PALM2AKAP2: variants seen among roughly 807,000 people sequenced by gnomAD.
PALM2AKAP2 encodes PALM2 and AKAP2 fusion.
Under a neutral mutation model 71.5 loss-of-function variants are expected in PALM2AKAP2, and 37 were observed. The ratio of observed to expected loss-of-function variants is 0.52; its 90% CI spans 0.40 to 0.68. The LOEUF is 0.68. Ranked by LOEUF, PALM2AKAP2 falls within the 30% of genes least tolerant of loss-of-function variation. The pLI is 0.00. For missense variants in PALM2AKAP2, 1,224 were observed against 1,191.8 expected (o/e 1.03, Z -0.40); for synonymous variants, 468 against 478.8 (o/e 0.98, Z 0.29).
At chr9:109,653,651 G>C (rs772781364) in intron 1 of PALM2AKAP2, among the ~76,000 whole-genome samples, 2 of 152,146 alleles carry the variant, frequency 1.3e-5, no homozygotes, top group Admixed American at 6.5e-5. Flanking sequence ...CTGTAGATAG[G>C]GGGTGTAGTT....
At chr9:110,099,610 A>G (rs371627664) in intron 1 of PALM2AKAP2, among the ~76,000 whole-genome samples, 23 of 152,326 alleles carry the variant, frequency 1.5e-4, no homozygotes, top group Non-Finnish European at 2.2e-4. Flanking sequence ...CCTCACTGAC[A>G]TTTAATGAAT....
At chr9:109,807,008 G>A (rs552022431) in intron 1 of PALM2AKAP2, among the ~76,000 whole-genome samples, 1 of 152,270 alleles carries the variant, frequency 6.6e-6, no homozygotes, top group East Asian at 1.9e-4. Context: ...TAGTTGGGAG[G>A]ATATTGTGGT....
intron 2 of PALM2AKAP2, among the ~76,000 whole-genome samples, chr9:109,875,126 A>C (rs923858301): frequency 6.6e-6 from 1 of 152,048 alleles, no homozygotes; most frequent in Non-Finnish European, 1.5e-5. Flanking sequence ...AACCTCACTT[A>C]TTATGGTCCA....
intron 6 of PALM2AKAP2, among the ~76,000 whole-genome samples, chr9:109,975,210 A>G (rs534104997): frequency 6.6e-6 from 1 of 152,342 alleles, no homozygotes; most frequent in African/African-American, 2.4e-5. Context: ...TCTACTATCT[A>G]CAAGCTGGAG....
chr9:110,044,116 A>G (rs1833554420), upstream of PALM2AKAP2, among the ~76,000 whole-genome samples: 1 of 150,652 alleles, frequency 6.6e-6, no homozygotes, highest in Non-Finnish European at 1.5e-5. Context: ...ACTCATTGTC[A>G]TATATGTTGC....
chr9:109,939,875 T>C (rs1304219269), intron 6 of PALM2AKAP2, among the ~76,000 whole-genome samples: 1 of 152,248 alleles, frequency 6.6e-6, no homozygotes, highest in Non-Finnish European at 1.5e-5. Context: ...AGTGAAACTT[T>C]CAAAATGGAT....
At chr9:110,142,145 C>T (rs977327976) in intron 2 of PALM2AKAP2, among the ~76,000 whole-genome samples, 2 of 148,532 alleles carry the variant, frequency 1.3e-5, no homozygotes, top group Non-Finnish European at 3.0e-5. Flanking sequence ...AAACTCGGCT[C>T]ACTGCAACCT....
At chr9:109,707,167 C>T (rs906586202) in intron 1 of PALM2AKAP2, among the ~76,000 whole-genome samples, 1 of 152,114 alleles carries the variant, frequency 6.6e-6, no homozygotes, top group African/African-American at 2.4e-5. Context: ...CCTTAGCCTC[C>T]TCTCTCTGCA....
chr9:109,668,146 C>T (rs1180262936), intron 1 of PALM2AKAP2, among the ~76,000 whole-genome samples: 1 of 23,894 alleles, frequency 4.2e-5, no homozygotes, highest in Non-Finnish European at 7.7e-5. Flanking sequence ...CCGTTTTAGC[C>T]GGGATGGTCT....
chr9:109,867,588 A>G lies in PALM2AKAP2; in HGVS notation c.126+17A>G, dbSNP rs760973839. On this transcript the variant is annotated intron_variant, in intron 2 of 9. Transcript: ENST00000302798. ...CATTCCAAGGTAAGCAGCTGATCCC[A>G]GGAACCTATTCCATTATTAGACATG... The G allele has an allele frequency of 2.5e-6, 4 of 1,608,854 alleles. 1 individual carries two copies. In the South Asian group the frequency reaches 4.4e-5, roughly 18 times the overall value.
chr9:109,980,601 C>T (rs572882454), intron 6 of PALM2AKAP2, among the ~76,000 whole-genome samples: 6 of 152,284 alleles, frequency 3.9e-5, no homozygotes, highest in South Asian at 4.1e-4. Flanking sequence ...AATCCTATGA[C>T]GACCTAATGC....
intron 1 of PALM2AKAP2, among the ~76,000 whole-genome samples, chr9:110,070,941 C>G (rs549925107): frequency 9.2e-5 from 14 of 152,090 alleles, no homozygotes; most frequent in African/African-American, 2.9e-4. Flanking sequence ...GTGGGTGGAT[C>G]ACTTGAAGTC....
intron 1 of PALM2AKAP2, among the ~76,000 whole-genome samples, chr9:109,800,699 G>A (rs1016165022): frequency 5.9e-5 from 9 of 152,146 alleles, no homozygotes; most frequent in Non-Finnish European, 1.5e-5. Context: ...ATCTTTCTCT[G>A]TATTTACTCA....
intron 1 of PALM2AKAP2, among the ~76,000 whole-genome samples, chr9:109,851,739 G>A (rs1829027274): frequency 6.6e-6 from 1 of 152,164 alleles, no homozygotes; most frequent in Non-Finnish European, 1.5e-5. Context: ...AAGTTCCCCT[G>A]CTGTCTTCTG....
chr9:109,979,286 C>T (rs1832225821), intron 6 of PALM2AKAP2, among the ~76,000 whole-genome samples: 1 of 152,230 alleles, frequency 6.6e-6, no homozygotes, highest in Admixed American at 6.5e-5. Context: ...AGCCATTGCG[C>T]CTGGTCTCAG....
chr9:110,025,413 G>A, intron 7 of PALM2AKAP2: 1 of 642,404 alleles, frequency 1.6e-6, no homozygotes, highest in Non-Finnish European at 2.7e-6. Flanking sequence ...TTTTTTTTTT[G>A]TTCCTTCACA....
In PALM2AKAP2 at chr9:110,025,259, A is replaced by G; in HGVS notation, c.582+9220A>G. The G allele has an allele frequency of 2.6e-6, 3 of 1,146,808 alleles. No homozygotes were observed. In the South Asian group the frequency reaches 3.7e-5, roughly 14 times the overall value. 71.0% of individuals were successfully genotyped at this position (1,146,808 alleles called of 1,614,324 possible). On this transcript the variant is annotated intron_variant, in intron 7 of 9. Coordinates refer to the PALM2AKAP2 transcript ENST00000302798. ...ATGTCTACAATATCACCTTTCTTAT[A>G]GATTCGCATATACGTGGCCAAAGGA...
chr9:109,963,631 T>C (rs1831890551), intron 6 of PALM2AKAP2, among the ~76,000 whole-genome samples: 1 of 152,208 alleles, frequency 6.6e-6, no homozygotes, highest in African/African-American at 2.4e-5. Context: ...CTTGCTCTAG[T>C]CACACTCTTT....
intron 1 of PALM2AKAP2, among the ~76,000 whole-genome samples, chr9:109,858,611 A>C (rs1829231318): frequency 6.6e-6 from 1 of 152,120 alleles, no homozygotes; most frequent in African/African-American, 2.4e-5. Context: ...AAGGCAACAC[A>C]CGGAGAGGGA....
Sources: allele counts gnomAD v4.1 joint callset (sites outside exome capture counted in the v4.1 genomes callset), GRCh38; gene constraint gnomAD v4.1.1; transcripts MANE v1.5; gene names NCBI Gene and HGNC (gene_info 2026-07-23, HGNC 2026-07-21).